The following RMI1 variants were observed in gnomAD, a reference collection of about 807,000 sequenced individuals.
The protein encoded by RMI1 is RecQ mediated genome instability 1, also known as recQ-mediated genome instability protein 1.
Under a neutral mutation model 46.7 loss-of-function variants are expected in RMI1, and 36 were observed. That is an observed-to-expected ratio of 0.77 (90% confidence interval 0.59 to 1.02). RMI1 has a LOEUF of 1.02. RMI1 is among the 50% of genes least tolerant of loss of function. The probability of loss-of-function intolerance (pLI) is 0.00; values close to 1 mark genes in which losing one functional copy is unlikely to be tolerated. For synonymous variants in RMI1, 250 were observed against 252.9 expected, an observed-to-expected ratio of 0.99 and a Z score of 0.11; for missense variants, 676 against 713.7, an observed-to-expected ratio of 0.95 and a Z score of 0.60.
rs948821087 is a variant in RMI1, at chr9:83,994,807, C to T, written c.-125-4902C>T. Among the ~76,000 whole-genome samples the T allele has an allele frequency of 3.3e-5, 5 of 152,114 alleles. No homozygotes were observed. The East Asian group carries it at 5.8e-4, about 18-fold the overall frequency. On this transcript the variant is annotated intron_variant, in intron 1 of 2. Coordinates refer to ENST00000445877, the MANE Select transcript of RMI1 (RefSeq NM_001358291.2). ...TGTTGTGATTACAGACATGAACCACCACGTCTAGCTCCCACATTTTTGTTA... is the reference window on the plus strand; with the variant it reads ...TGTTGTGATTACAGACATGAACCACTACGTCTAGCTCCCACATTTTTGTTA...
At chr9:83,980,592 C>T (rs557110490), upstream of RMI1, 1 of 153,156 alleles carries the variant, frequency 6.5e-6, no homozygotes, top group South Asian at 2.1e-4. Flanking sequence ...AGTGCTGTCG[C>T]CTGGAGCGCC....
chr9:83,994,914 G>C (rs550601889), intron 1 of RMI1, among the ~76,000 whole-genome samples: 3 of 152,198 alleles, frequency 2.0e-5, no homozygotes, highest in African/African-American at 7.2e-5. Context: ...ATGTTACTGT[G>C]TATAAGTGTA....
chr9:83,980,381 C>G (rs1054905483), upstream of RMI1: 1 of 152,618 alleles, frequency 6.6e-6, no homozygotes, highest in Admixed American at 6.5e-5. Context: ...CGCCTCCCTT[C>G]GGGCTGGGAG....
rs141935155 is a variant in RMI1 at position 83,981,703 on chromosome 9, T to G, written c.-126+812T>G. Among the ~76,000 whole-genome samples, 1,271 of 152,338 alleles carry G rather than the reference T, an allele frequency of 8.3e-3. 8 individuals are homozygous for G. Among genetic ancestry groups the G allele is most frequent in the Non-Finnish European group, 0.012 (846 of 68,042 alleles). On this transcript the variant is annotated intron_variant, in intron 1 of 2. Coordinates refer to ENST00000445877, the MANE Select transcript of RMI1 (RefSeq NM_001358291.2). ...GTCATAATCTGCACATAAAGCGAAATCCACCATTGGCCGAATACATGCATA... is the reference window on the plus strand; with the variant it reads ...GTCATAATCTGCACATAAAGCGAAAGCCACCATTGGCCGAATACATGCATA...
intron 1 of RMI1, among the ~76,000 whole-genome samples, chr9:83,994,028 C>T (rs1354137711): frequency 1.3e-5 from 2 of 151,680 alleles, no homozygotes; most frequent in Non-Finnish European, 2.9e-5. Flanking sequence ...AAGTGATCCA[C>T]CTGCCTCCGC....
In RMI1 at chr9:84,003,434, G is replaced by A. The variant is rs1057391550; in HGVS notation, c.*570G>A. The A allele has an allele frequency of 1.2e-5, 2 of 166,928 alleles. No homozygotes were observed. The highest frequency in any genetic ancestry group is 2.9e-5 in the Non-Finnish European group (2 of 68,118). The allele number at this position is 166,928 out of a possible 1,614,324, so 10.3% of individuals were successfully genotyped here. A position where few individuals can be genotyped will look rare whatever the true frequency, so the allele number is the denominator to read the frequency against. ...TTGCTAAAATATTGTACTGGTGTTC[G>A]GTGGTGAGTCATATTTTTGAAAGTT... On this transcript the variant is annotated 3_prime_UTR_variant, in exon 3 of 3. Transcript: ENST00000445877.
intron 1 of RMI1, among the ~76,000 whole-genome samples, chr9:83,990,062 G>A (rs1378155866): frequency 6.6e-6 from 1 of 152,208 alleles, no homozygotes; most frequent in African/African-American, 2.4e-5. Context: ...AGAACATTAT[G>A]TTCAGTGAAA....
At chr9:83,992,683 G>A (rs1000504878) in intron 1 of RMI1, among the ~76,000 whole-genome samples, 1 of 152,198 alleles carries the variant, frequency 6.6e-6, no homozygotes, top group Non-Finnish European at 1.5e-5. Context: ...ATAAATTTTA[G>A]TGAGTAGGCA....
chr9:83,982,768 A>G (rs1474052322), intron 1 of RMI1, among the ~76,000 whole-genome samples: 1 of 151,464 alleles, frequency 6.6e-6, no homozygotes, highest in Non-Finnish European at 1.5e-5. Flanking sequence ...TCTAGATGCC[A>G]TTGTGGGATG....
intron 1 of RMI1, among the ~76,000 whole-genome samples, chr9:83,990,181 G>A (rs1957548592): frequency 6.6e-6 from 1 of 152,122 alleles, no homozygotes; most frequent in Non-Finnish European, 1.5e-5. Context: ...GGAAGGGTAG[G>A]GGGGCAAAGG....
chr9:83,985,398 G>A (rs1239480025), intron 1 of RMI1, among the ~76,000 whole-genome samples: 1 of 152,096 alleles, frequency 6.6e-6, no homozygotes, highest in Non-Finnish European at 1.5e-5. Flanking sequence ...TGACTTTTTG[G>A]TAAAATATTT....
rs761221705 is a variant in RMI1, at chr9:84,001,765, A to G, written c.779A>G (p.Asn260Ser). Residue 260 changes from asparagine to serine, a missense_variant, in exon 3 of 3, where the codon AAT becomes AGT. Transcript: ENST00000445877. ...GATGAAAATGATGAGCTTACAGCAA[A>G]TAATGACACTTCCTCAGAACGATGT... ...SLDENDELTANNDTSSERCFT... is the reference protein window; with the variant it reads ...SLDENDELTASNDTSSERCFT... The G allele has an allele frequency of 6.2e-7, 1 of 1,614,062 alleles. No individual in the cohort carries two copies. The highest frequency in any genetic ancestry group is 8.5e-7 in the Non-Finnish European group (1 of 1,179,960).
chr9:83,983,267 C>G (rs993740751), intron 1 of RMI1, among the ~76,000 whole-genome samples: 24 of 152,148 alleles, frequency 1.6e-4, no homozygotes, highest in Non-Finnish European at 3.1e-4. Flanking sequence ...GGAACATATC[C>G]AAGGTCACAT....
At chr9:83,981,861 C>T (rs993773194) in intron 1 of RMI1, among the ~76,000 whole-genome samples, 6 of 152,106 alleles carry the variant, frequency 3.9e-5, no homozygotes, top group African/African-American at 1.4e-4. Flanking sequence ...TTTTACTTGA[C>T]TGATTAGAGG....
chr9:84,002,621 T>C lies in RMI1; in HGVS notation c.1635T>C (p.Phe545=). The change falls in exon 3 of 3, where the codon TTT becomes TTC. Residue 545 remains phenylalanine, a synonymous_variant. Transcript: ENST00000445877. Reference sequence around the variant, plus strand: ...GTACTGCATATCTAGATGTAGACTTTGTGGATGAAATACTTACTAGCTTGA... The same window carrying C: ...GTACTGCATATCTAGATGTAGACTTCGTGGATGAAATACTTACTAGCTTGA... ...SDGTAYLDVD[F]VDEILTSLIG... The C allele has an allele frequency of 6.2e-7, 1 of 1,613,934 alleles. No homozygotes were observed. Among genetic ancestry groups the C allele is most frequent in the Non-Finnish European group, 8.5e-7 (1 of 1,179,890 alleles).
At chr9:83,987,176 C>T (rs1957503414) in intron 1 of RMI1, among the ~76,000 whole-genome samples, 1 of 152,096 alleles carries the variant, frequency 6.6e-6, no homozygotes, top group South Asian at 2.1e-4. Context: ...CGATTTTCTG[C>T]CTCAGCCTCC....
chr9:83,980,760 G>A (rs1198823285), upstream of RMI1: 4 of 152,402 alleles, frequency 2.6e-5, no homozygotes, highest in South Asian at 2.1e-4. Flanking sequence ...GGTTGGAGGA[G>A]GGGCGCGAGC....
rs1412026909 is a variant in RMI1 at position 84,002,746 on chromosome 9, A to G, written c.1760A>G (p.Asp587Gly). ...GLQKCQRDLI[D>G]LCCLMTISFN... ...CAGAAATGTCAAAGAGATCTAATAG[A>G]TTTGTGCTGTCTAATGACTATTTCA... is the stretch of plus-strand genomic sequence containing the variant. Residue 587 changes from aspartate (D) to glycine (G), a missense_variant, in exon 3 of 3, where the codon GAT (aspartate) becomes GGT (glycine). Transcript: ENST00000445877. 4 of 1,613,700 alleles carry G rather than the reference A, an allele frequency of 2.5e-6. No homozygotes were observed. In the Admixed American group the frequency reaches 5.0e-5, roughly 20 times the overall value.
chr9:83,988,300 T>C (rs1296489512), intron 1 of RMI1, among the ~76,000 whole-genome samples: 1 of 152,198 alleles, frequency 6.6e-6, no homozygotes, highest in African/African-American at 2.4e-5. Flanking sequence ...AATGCTAAAC[T>C]GTTTTCCTTT....
Sources: allele counts gnomAD v4.1 joint callset (sites outside exome capture counted in the v4.1 genomes callset), GRCh38; gene constraint gnomAD v4.1.1; transcripts MANE v1.5; gene names NCBI Gene and HGNC (gene_info 2026-07-23, HGNC 2026-07-21).